PDE4B: variants seen among roughly 807,000 people sequenced by gnomAD.
PDE4B encodes phosphodiesterase 4B.
PDE4B carries 20 observed loss-of-function variants against 82.2 expected under a neutral mutation model. The observed-to-expected ratio is 0.24, with a 90% confidence interval of 0.17 to 0.35. The LOEUF is 0.35. Ranked by LOEUF, PDE4B falls within the 10% of genes least tolerant of loss-of-function variation. The pLI is 1.00. For missense variants in PDE4B, 655 were observed against 907.2 expected (o/e 0.72, Z 3.57); for synonymous variants, 320 against 318.9 (o/e 1.00, Z -0.04).
chr1:66,005,509 A>G (rs1652101919), intron 3 of PDE4B, among the ~76,000 whole-genome samples: 2 of 152,120 alleles, frequency 1.3e-5, no homozygotes, highest in Non-Finnish European at 2.9e-5. Flanking sequence ...TGATCAGGCT[A>G]TTGTGTCACT....
chr1:66,372,168 T>A (rs774497000), intron 16 of PDE4B, 145 bp from the exon 17 acceptor site: 3 of 774,012 alleles, frequency 3.9e-6, no homozygotes, highest in Non-Finnish European at 6.3e-6. Flanking sequence ...AGACCCACTG[T>A]ATTGTGAGTG....
intron 3 of PDE4B, among the ~76,000 whole-genome samples, chr1:66,142,590 A>T (rs1490749132): frequency 6.6e-6 from 1 of 152,154 alleles, no homozygotes; most frequent in Non-Finnish European, 1.5e-5. Flanking sequence ...AAATAACCCT[A>T]CTGTTAGGAG....
At chr1:66,364,096 C>G (rs529241037) in intron 12 of PDE4B, among the ~76,000 whole-genome samples, 6 of 152,016 alleles carry the variant, frequency 3.9e-5, no homozygotes, top group Admixed American at 3.3e-4. Flanking sequence ...GTTCAGTGTC[C>G]GGTAAATAGT....
intron 3 of PDE4B, among the ~76,000 whole-genome samples, chr1:66,021,823 A>C (rs1284794169): frequency 1.3e-5 from 2 of 152,114 alleles, no homozygotes; most frequent in Non-Finnish European, 2.9e-5. Flanking sequence ...ATGAACTTTA[A>C]AGTAGTTTTT....
chr1:66,361,560 C>T, intron 9 of PDE4B, 55 bp from the exon 10 acceptor site: 6 of 1,369,514 alleles, frequency 4.4e-6, no homozygotes, highest in Non-Finnish European at 6.1e-6. Flanking sequence ...TTGAATATTG[C>T]AGTGGATTCT....
intron 7 of PDE4B, among the ~76,000 whole-genome samples, chr1:66,271,244 G>C (rs1557670911): frequency 6.6e-6 from 1 of 152,178 alleles, no homozygotes; most frequent in African/African-American, 2.4e-5. Context: ...AAATTAATTT[G>C]CAAATTTAGC....
intron 3 of PDE4B, among the ~76,000 whole-genome samples, chr1:66,186,441 A>G (rs2101440984): frequency 6.6e-6 from 1 of 152,232 alleles, no homozygotes; most frequent in Non-Finnish European, 1.5e-5. Context: ...GGCCATTTTC[A>G]CGATATTGAT....
At chr1:65,869,125 A>G (rs1399904152) in intron 1 of PDE4B, among the ~76,000 whole-genome samples, 2 of 152,208 alleles carry the variant, frequency 1.3e-5, no homozygotes, top group Non-Finnish European at 2.9e-5. Context: ...AATTTGTGAC[A>G]GTTGTATAAT....
intron 1 of PDE4B, among the ~76,000 whole-genome samples, chr1:65,832,256 G>A (rs540215250): frequency 2.0e-5 from 3 of 152,314 alleles, no homozygotes; most frequent in Admixed American, 2.0e-4. Context: ...ATTGCAGGAT[G>A]AAACTTTAGA....
intron 1 of PDE4B, among the ~76,000 whole-genome samples, chr1:65,822,406 A>G (rs1645963555): frequency 6.6e-6 from 1 of 152,078 alleles, no homozygotes. Context: ...AACTTTGCAA[A>G]ATGATGCCTT....
intron 3 of PDE4B, among the ~76,000 whole-genome samples, chr1:66,202,492 G>C (rs980883515): frequency 2.0e-5 from 3 of 152,100 alleles, no homozygotes; most frequent in Admixed American, 2.0e-4. Context: ...AAGTCTCTTT[G>C]TAGGTCACGC....
At chr1:65,886,666 A>C (rs1334179607) in intron 1 of PDE4B, among the ~76,000 whole-genome samples, 2 of 152,136 alleles carry the variant, frequency 1.3e-5, no homozygotes, top group African/African-American at 4.8e-5. Context: ...TATTTCACTT[A>C]ACATAATGAC....
intron 3 of PDE4B, among the ~76,000 whole-genome samples, chr1:66,236,093 A>G (rs1652418236): frequency 6.6e-6 from 1 of 152,100 alleles, no homozygotes; most frequent in Non-Finnish European, 1.5e-5. Flanking sequence ...GCGGTTCATT[A>G]TATGCTTTTT....
chr1:65,858,254 C>A (rs1479745124), intron 1 of PDE4B, among the ~76,000 whole-genome samples: 1 of 152,140 alleles, frequency 6.6e-6, no homozygotes, highest in Non-Finnish European at 1.5e-5. Flanking sequence ...GATTTAAATT[C>A]ATATAATCAG....
intron 1 of PDE4B, among the ~76,000 whole-genome samples, chr1:65,853,678 C>T (rs1168883975): frequency 6.6e-6 from 1 of 151,906 alleles, no homozygotes; most frequent in Non-Finnish European, 1.5e-5. Flanking sequence ...TACAGGCATG[C>T]ACCACCACGC....
At chr1:65,880,006 C>T (rs1646691915) in intron 1 of PDE4B, among the ~76,000 whole-genome samples, 1 of 152,162 alleles carries the variant, frequency 6.6e-6, no homozygotes, top group African/African-American at 2.4e-5. Context: ...TTTGCTGCTT[C>T]CCAAAACATT....
intron 3 of PDE4B, among the ~76,000 whole-genome samples, chr1:65,972,088 A>T (rs1937440): frequency 1.3e-5 from 2 of 152,002 alleles, no homozygotes; most frequent in Non-Finnish European, 1.5e-5. Context: ...TTGGTAATAT[A>T]TTATGACTGT....
intron 3 of PDE4B, among the ~76,000 whole-genome samples, chr1:66,139,351 C>T (rs1646121919): frequency 6.6e-6 from 1 of 152,184 alleles, no homozygotes. Context: ...CCAGGAAACT[C>T]TCTTAGCTCC....
chr1:66,241,049 T>G (rs781396970), intron 3 of PDE4B, among the ~76,000 whole-genome samples: 3 of 152,230 alleles, frequency 2.0e-5, no homozygotes, highest in Non-Finnish European at 2.9e-5. Flanking sequence ...AATGTAATTT[T>G]CAAAGGCCCT....
Sources: gnomAD v4.1 joint callset for allele counts (sites outside exome capture counted in the v4.1 genomes callset) on GRCh38, gnomAD v4.1.1 for gene constraint, MANE v1.5 for transcripts, NCBI Gene and HGNC (gene_info 2026-07-23, HGNC 2026-07-21) for gene names.